Variants in ABAT observed in about 807,000 individuals in gnomAD.
The protein encoded by ABAT is 4-aminobutyrate aminotransferase, mitochondrial.
ABAT carries 45 observed loss-of-function variants against 64.6 expected under a neutral mutation model. The ratio of observed to expected loss-of-function variants is 0.70; its 90% confidence interval spans 0.55 to 0.89. The LOEUF is 0.89. Among genes scored for constraint, ABAT ranks in the 40% least tolerant of loss-of-function variants. The pLI is 0.00. For missense variants in ABAT, 633 were observed against 658.4 expected (o/e 0.96, Z 0.42); for synonymous variants, 297 against 250.5 (o/e 1.19, Z -1.75).
chr16:8,732,841 G>A (rs1252542201), intron 1 of ABAT, among the ~76,000 whole-genome samples: 16 of 149,622 alleles, frequency 1.1e-4, no homozygotes, highest in African/African-American at 2.2e-4. Flanking sequence ...GCGGCTGGCC[G>A]GGCAGAGGGG....
At chr16:8,705,923 C>T (rs1005749068) in intron 1 of ABAT, among the ~76,000 whole-genome samples, 2 of 152,198 alleles carry the variant, frequency 1.3e-5, no homozygotes, top group Non-Finnish European at 2.9e-5. Flanking sequence ...TGAATTTGCA[C>T]ACAGTGGAAT....
Position 8,782,957 on chromosome 16 carries a change from C to A in ABAT, c.*1527C>A, listed in dbSNP as rs1006676644. ...AGGGTTTTTTTTTTTAGCTTCCACTCTTCCGCAGACTTGGTCATCGACCTA... is the reference window on the plus strand; with the variant it reads ...AGGGTTTTTTTTTTTAGCTTCCACTATTCCGCAGACTTGGTCATCGACCTA... On this transcript the variant is annotated 3_prime_UTR_variant, in exon 16 of 16. Transcript: ENST00000268251. The A allele has an allele frequency of 1.3e-5, 2 of 151,994 alleles. No homozygotes were observed. Among genetic ancestry groups the A allele is most frequent in the Non-Finnish European group, 2.9e-5 (2 of 68,002 alleles). The allele number at this position is 151,994 out of a possible 1,614,324, so 9.4% of individuals were successfully genotyped here.
intron 6 of ABAT, among the ~76,000 whole-genome samples, chr16:8,763,361 A>C (rs2142911488): frequency 6.6e-6 from 1 of 152,284 alleles, no homozygotes; most frequent in Non-Finnish European, 1.5e-5. Flanking sequence ...TCCTAGACCC[A>C]ACTGAGTGAT....
rs1228794151 is a variant in ABAT, at chr16:8,781,553, TG to T, written c.*127del. The T allele has an allele frequency of 3.1e-6, 3 of 980,682 alleles. No homozygotes were observed. The highest frequency in any genetic ancestry group is 2.8e-6 in the Non-Finnish European group (2 of 714,166). 60.7% of individuals were successfully genotyped at this position (980,682 alleles called of 1,614,324 possible). A position where few individuals can be genotyped will look rare whatever the true frequency, so the allele number is the denominator to read the frequency against. ...TGAATGCACAGTGAAGGGTGATTTG[TG>T]GGGAGGGAGCATTTTTGGTGGTCTT... On this transcript the variant is annotated 3_prime_UTR_variant, in exon 16 of 16. Transcript: ENST00000268251. This position sits in a 1 kb window ranked among gnomAD's most constrained non-coding sequence, Gnocchi z 4.5.
intron 1 of ABAT, among the ~76,000 whole-genome samples, chr16:8,685,989 A>C (rs2057446664): frequency 6.6e-6 from 1 of 152,224 alleles, no homozygotes; most frequent in Admixed American, 6.5e-5. Context: ...AGATTTCCTT[A>C]GGGAAACAGC....
chr16:8,730,861 C>G (rs1029402194), intron 1 of ABAT, among the ~76,000 whole-genome samples: 1 of 152,238 alleles, frequency 6.6e-6, no homozygotes, highest in Non-Finnish European at 1.5e-5. Context: ...CAGCAACTTG[C>G]TGTGTCCTGG....
chr16:8,740,863 G>A (rs1454785988), intron 2 of ABAT, among the ~76,000 whole-genome samples: 1 of 152,168 alleles, frequency 6.6e-6, no homozygotes, highest in South Asian at 2.1e-4. Context: ...AAATAAGTGG[G>A]GTGGACAGTT....
At chr16:8,738,582 T>C (rs1422396069) in intron 2 of ABAT, 2 of 391,780 alleles carry the variant, frequency 5.1e-6, no homozygotes, top group Admixed American at 3.6e-5. Context: ...TTTGAGGTTT[T>C]GCTTTTCCTT....
chr16:8,682,160 A>C (rs1248637450), intron 1 of ABAT, among the ~76,000 whole-genome samples: 2 of 150,098 alleles, frequency 1.3e-5, no homozygotes, highest in African/African-American at 2.5e-5. Flanking sequence ...CTATAATTTC[A>C]ATCAGATTGC....
rs1272101366 is a variant in ABAT at position 8,743,145 on chromosome 16, T to C, written c.71-2856T>C. On this transcript the variant is annotated intron_variant, in intron 2 of 15. Transcript: ENST00000268251. ...GTTTTTCTTCATCCTTATATAAGTA[T>C]AGTGCTGTATTTTAACGGTACTTTA... is the stretch of plus-strand genomic sequence containing the variant. 6.1e-4 allele frequency among the ~76,000 whole-genome samples: 93 copies of C among 151,806 alleles called. 5 individuals are homozygous for C. The highest frequency in any genetic ancestry group is 6.0e-3 in the Admixed American group (92 of 15,226).
At chr16:8,750,310 G>A in intron 4 of ABAT, 112 bp from the exon 5 acceptor site, 1 of 956,738 alleles carries the variant, frequency 1.0e-6, no homozygotes, top group Non-Finnish European at 1.7e-6. Flanking sequence ...ATGCCTCTGT[G>A]TGTCCACAGA....
intron 5 of ABAT, among the ~76,000 whole-genome samples, chr16:8,752,229 A>C (rs145389395): frequency 6.6e-6 from 1 of 152,336 alleles, no homozygotes; most frequent in African/African-American, 2.4e-5. Flanking sequence ...TCCATCATTC[A>C]GGAATGCCTC....
At chr16:8,746,154 A>C in intron 3 of ABAT, 56 bp downstream of exon 3, 1 of 1,362,618 alleles carries the variant, frequency 7.3e-7, no homozygotes, top group Non-Finnish European at 1.0e-6. Context: ...GGCGCCTAAG[A>C]AGCAAAAGCA....
At chr16:8,681,715 C>T (rs1186285779) in intron 1 of ABAT, among the ~76,000 whole-genome samples, 1 of 149,532 alleles carries the variant, frequency 6.7e-6, no homozygotes, top group African/African-American at 2.5e-5. Context: ...AATCTCAGCT[C>T]ACTGCAACTT....
intron 6 of ABAT, among the ~76,000 whole-genome samples, chr16:8,759,121 AATAAT>A (rs2059726949): frequency 1.3e-5 from 2 of 151,976 alleles, no homozygotes; most frequent in African/African-American, 4.8e-5. Context: ...TAATAATAAT[AATAAT>A]AAATAAAAAG....
At position 8,733,594 on chromosome 16, in the gene ABAT, C is replaced by G. The variant is rs1006819949; in HGVS notation, c.-41-2105C>G. On this transcript the variant is annotated intron_variant, in intron 1 of 15. Transcript: ENST00000268251. The stretch of plus-strand genomic sequence containing the variant: ...TCTGTAATCCCGGCACCTCGGGAGG[C>G]CGAGGCTGGCGGATCACTTGCGGTT... Among the ~76,000 whole-genome samples, 4 of 151,918 alleles carry G rather than the reference C, an allele frequency of 2.6e-5. No individual in the cohort carries two copies. The East Asian group carries it at 7.7e-4, about 29-fold the overall frequency.
At chr16:8,741,121 G>A (rs879589617) in intron 2 of ABAT, among the ~76,000 whole-genome samples, 8 of 152,272 alleles carry the variant, frequency 5.3e-5, no homozygotes, top group Non-Finnish European at 8.8e-5. Flanking sequence ...CAGAGGGCCA[G>A]GCTGGATGGA....
chr16:8,680,719 C>A (rs571410538), intron 1 of ABAT, among the ~76,000 whole-genome samples: 23 of 152,180 alleles, frequency 1.5e-4, no homozygotes, highest in Non-Finnish European at 2.2e-4. Flanking sequence ...TGAGCCACTG[C>A]GCCCGACCTC....
At chr16:8,681,239 C>G (rs886298221) in intron 1 of ABAT, among the ~76,000 whole-genome samples, 9 of 152,096 alleles carry the variant, frequency 5.9e-5, no homozygotes, top group African/African-American at 2.2e-4. Context: ...GATTCTCCCA[C>G]CTCGGCCTCC....
Sources: gnomAD v4.1 joint callset for allele counts (sites outside exome capture counted in the v4.1 genomes callset) on GRCh38, gnomAD v4.1.1 for gene constraint, Gnocchi (gnomAD v3.1) non-coding constraint, MANE v1.5 for transcripts, NCBI Gene and HGNC (gene_info 2026-07-23, HGNC 2026-07-21) for gene names.